SEZ6: variants seen among roughly 807,000 people sequenced by gnomAD.
The protein encoded by SEZ6 is seizure related 6 homolog.
In SEZ6, 53 loss-of-function variants were observed where a neutral mutation model predicts 101.0. That is an observed-to-expected ratio of 0.52 (90% CI 0.42 to 0.66). The LOEUF is 0.66. Among genes scored for constraint, SEZ6 ranks in the 30% least tolerant of loss-of-function variants. The pLI, the probability that SEZ6 is intolerant of heterozygous loss-of-function variation, is 0.00. For missense variants in SEZ6, 1,102 were observed against 1,289.4 expected, an observed-to-expected ratio of 0.85 and a Z score of 2.23; for synonymous variants, 488 against 512.2, an observed-to-expected ratio of 0.95 and a Z score of 0.64.
At chr17:28,974,043 C>T (rs1200028204) in intron 3 of SEZ6, among the ~76,000 whole-genome samples, 1 of 152,196 alleles carries the variant, frequency 6.6e-6, no homozygotes, top group African/African-American at 2.4e-5. Flanking sequence ...TTGTCTTCTG[C>T]CAACCTCTAG....
At chr17:28,975,539 C>T (rs983791379) in intron 3 of SEZ6, among the ~76,000 whole-genome samples, 6 of 152,202 alleles carry the variant, frequency 3.9e-5, no homozygotes, top group African/African-American at 7.2e-5. Context: ...ATCCAGAAAA[C>T]CTTATGGGGT....
At chr17:28,999,897 C>T (rs2041592310) in intron 1 of SEZ6, among the ~76,000 whole-genome samples, 1 of 152,190 alleles carries the variant, frequency 6.6e-6, no homozygotes, top group Admixed American at 6.5e-5. Context: ...TCTTTCCTGA[C>T]CTCCAAATAT....
chr17:29,001,368 G>C (rs2152693904), intron 1 of SEZ6, among the ~76,000 whole-genome samples: 1 of 152,292 alleles, frequency 6.6e-6, no homozygotes, highest in East Asian at 1.9e-4. Context: ...AGCAACCAGG[G>C]ACTTGTGACC....
intron 1 of SEZ6, among the ~76,000 whole-genome samples, chr17:28,985,976 C>T (rs2041375939): frequency 1.3e-5 from 2 of 152,134 alleles, no homozygotes; most frequent in South Asian, 2.1e-4. Context: ...CTGCATTCTC[C>T]GAGTGGGCTG....
At chr17:29,001,723 C>G (rs959296776) in intron 1 of SEZ6, among the ~76,000 whole-genome samples, 1 of 152,228 alleles carries the variant, frequency 6.6e-6, no homozygotes, top group African/African-American at 2.4e-5. Context: ...GGAATTGCCA[C>G]TTCCTGTTGG....
intron 1 of SEZ6, among the ~76,000 whole-genome samples, chr17:29,004,862 C>T (rs974928307): frequency 6.6e-6 from 1 of 152,166 alleles, no homozygotes; most frequent in East Asian, 1.9e-4. Context: ...CACGGAACCC[C>T]TATCCTCTCC....
In SEZ6 at chr17:28,959,977, G is replaced by T; in HGVS notation, c.1577-85C>A. 2 of 1,416,718 alleles carry T rather than the reference G, an allele frequency of 1.4e-6. No homozygotes were observed. Among genetic ancestry groups the T allele is most frequent in the South Asian group, 1.3e-5 (1 of 76,282 alleles). 87.8% of individuals were successfully genotyped at this position (1,416,718 alleles called of 1,614,324 possible). A position where few individuals can be genotyped will look rare whatever the true frequency, so the allele number is the denominator to read the frequency against. On this transcript the variant is annotated intron_variant, in intron 7 of 16. Coordinates refer to ENST00000317338, the MANE Select transcript of SEZ6 (RefSeq NM_178860.5). The surrounding 1 kb of genome is among the most constrained non-coding windows in gnomAD (Gnocchi z 4.4). ...GCATCCCCCTACTTCCCTCCCCAGA[G>T]CCTTTCTTTTCCTGGGTACGAATGA...
chr17:28,986,472 G>T (rs1441123876), intron 1 of SEZ6, among the ~76,000 whole-genome samples: 1 of 152,220 alleles, frequency 6.6e-6, no homozygotes, highest in Non-Finnish European at 1.5e-5. Flanking sequence ...GGACTGGGGC[G>T]TGTTCTAGCG....
chr17:28,982,206 G>A (rs904162696), intron 1 of SEZ6, among the ~76,000 whole-genome samples, 167 bp from the exon 2 acceptor site: 2 of 152,286 alleles, frequency 1.3e-5, no homozygotes, highest in East Asian at 3.9e-4. Flanking sequence ...GAAGTGAGGT[G>A]CTATTACATA....
Position 28,959,999 on chromosome 17 carries a change from A to G in SEZ6, c.1577-107T>C. ...AGAGCCTTTCTTTTCCTGGGTACGA[A>G]TGACAAATATATGTCCTGGGGTTGG... On this transcript the variant is annotated intron_variant, in intron 7 of 16. Transcript: ENST00000317338. The surrounding 1 kb of genome is among the most constrained non-coding windows in gnomAD (Gnocchi z 4.4). 1.7e-6 allele frequency: 2 copies of G among 1,205,288 alleles called. No individual in the cohort carries two copies. Among genetic ancestry groups the G allele is most frequent in the Admixed American group, 4.4e-5 (2 of 45,102 alleles). The allele number at this position is 1,205,288 out of a possible 1,614,324, so 74.7% of individuals were successfully genotyped here. A position where few individuals can be genotyped will look rare whatever the true frequency, so the allele number is the denominator to read the frequency against.
rs766977448 is a variant in SEZ6, at chr17:28,979,808, A to G, written c.730T>C (p.Cys244Arg). 1.2e-6 allele frequency: 2 copies of G among 1,609,590 alleles called. No homozygotes were observed. The highest frequency in any genetic ancestry group is 2.2e-5 in the South Asian group (2 of 90,332). ...TCTGGGCCTGAGAAATTCCAGCTACAAGGGCCTGGGAGGCAGGAGGAGACA... is the reference window on the plus strand; with the variant it reads ...TCTGGGCCTGAGAAATTCCAGCTACGAGGGCCTGGGAGGCAGGAGGAGACA... The part of the protein sequence containing the change: ...TITTVQTPGP[C>R]SWNFSGPEGS... The change falls in exon 3 of 17, where the codon TGT (cysteine) becomes CGT (arginine). Residue 244 changes from cysteine to arginine, a missense_variant. Transcript: ENST00000317338.
intron 3 of SEZ6, among the ~76,000 whole-genome samples, chr17:28,971,202 T>C (rs2041146837): frequency 6.6e-6 from 1 of 152,224 alleles, no homozygotes; most frequent in Non-Finnish European, 1.5e-5. Context: ...TGAACTTCAG[T>C]TTCCTCATTT....
rs746410955 is a variant in SEZ6 at position 28,957,337 on chromosome 17, T to C, written c.2494+11A>G. The C allele has an allele frequency of 3.1e-6, 5 of 1,611,210 alleles. No homozygotes were observed. The highest frequency in any genetic ancestry group is 4.2e-6 in the Non-Finnish European group (5 of 1,177,594). On this transcript the variant is annotated intron_variant, in intron 12 of 16. Coordinates refer to ENST00000317338, the MANE Select transcript of SEZ6 (RefSeq NM_178860.5). The stretch of plus-strand genomic sequence containing the variant: ...GCTAGAGGTTTTCCCTCCTACTCAA[T>C]TGACACTTACGGAGACATTTAGGGG...
rs1197163943 is a variant in SEZ6, at chr17:28,981,768, G to T, written c.327C>A (p.Arg109=). Residue 109 remains arginine (R), a synonymous_variant, in exon 2 of 17, where the codon CGC becomes CGA. Transcript: ENST00000317338. The stretch of plus-strand genomic sequence containing the variant: ...CAGGGCGGCTGTCCTGGTTGGCCAG[G>T]CGGGGAAGGGGACTTGGGGTGAAGG... ...PAPFTPSPLP[R]LANQDSRPVF... 1 of 1,612,162 alleles carries T rather than the reference G, an allele frequency of 6.2e-7. No homozygotes were observed. The highest frequency in any genetic ancestry group is 1.1e-5 in the South Asian group (1 of 91,050).
chr17:28,993,896 G>T, intron 1 of SEZ6, among the ~76,000 whole-genome samples: 1 of 152,248 alleles, frequency 6.6e-6, no homozygotes, highest in East Asian at 1.9e-4. Flanking sequence ...AGCCTCTGTG[G>T]CCTTTGGGTT....
intron 14 of SEZ6, 89 bp from the exon 15 acceptor site, chr17:28,956,556 C>A: frequency 6.8e-7 from 1 of 1,479,300 alleles, no homozygotes; most frequent in South Asian, 1.2e-5. Context: ...ATCTGACTAC[C>A]AGCTCCCTCT....
chr17:28,992,525 C>T (rs978372968), intron 1 of SEZ6, among the ~76,000 whole-genome samples: 1 of 152,192 alleles, frequency 6.6e-6, no homozygotes, highest in Non-Finnish European at 1.5e-5. Context: ...AAGCAGTCCC[C>T]AAGCCCAGAA....
chr17:28,997,913 C>A (rs2041564021), intron 1 of SEZ6, among the ~76,000 whole-genome samples: 1 of 152,128 alleles, frequency 6.6e-6, no homozygotes, highest in Non-Finnish European at 1.5e-5. Flanking sequence ...ACTCCCCCCT[C>A]CTCCTTGAGC....
intron 4 of SEZ6, among the ~76,000 whole-genome samples, chr17:28,968,817 C>T (rs112738232): frequency 2.2e-4 from 33 of 152,310 alleles, no homozygotes; most frequent in African/African-American, 4.8e-4. Flanking sequence ...CAATTATTTC[C>T]GTATTAGTTC....
Sources: gnomAD v4.1 joint callset for allele counts (sites outside exome capture counted in the v4.1 genomes callset) on GRCh38, gnomAD v4.1.1 for gene constraint, Gnocchi (gnomAD v3.1) non-coding constraint, MANE v1.5 for transcripts, NCBI Gene and HGNC (gene_info 2026-07-23, HGNC 2026-07-21) for gene names.